The following PBX1 variants were observed in gnomAD, a reference collection of about 807,000 sequenced individuals.
PBX1 encodes the protein PBX homeobox 1.
In PBX1, 6 loss-of-function variants were observed where a neutral mutation model predicts 53.4. The ratio of observed to expected loss-of-function variants is 0.11; its 90% CI spans 0.06 to 0.22. The LOEUF (loss-of-function observed/expected upper bound fraction) is 0.22. PBX1 is among the 10% of genes least tolerant of loss of function. The probability of loss-of-function intolerance (pLI) is 1.00; values close to 1 mark genes in which losing one functional copy is unlikely to be tolerated. For missense variants in PBX1, 251 were observed against 551.4 expected (o/e 0.46, Z 5.46); for synonymous variants, 204 against 212.3 (o/e 0.96, Z 0.34).
At chr1:164,853,811 C>T (rs1274687697), downstream of PBX1, among the ~76,000 whole-genome samples, 1 of 152,118 alleles carries the variant, frequency 6.6e-6, no homozygotes, top group Non-Finnish European at 1.5e-5. Context: ...AAGTGTAGGT[C>T]TAACCCCTTA....
intron 2 of PBX1, among the ~76,000 whole-genome samples, chr1:164,760,392 G>GCTCCCTCCTTTC (rs1666748167): frequency 9.6e-6 from 1 of 103,914 alleles, no homozygotes; most frequent in South Asian, 3.2e-4. Flanking sequence ...ACCCTTCTTT[G>GCTCCCTCCTTTC]CTCCCTCCTT....
At chr1:164,575,686 T>C (rs1446708059) in intron 2 of PBX1, among the ~76,000 whole-genome samples, 1 of 152,206 alleles carries the variant, frequency 6.6e-6, no homozygotes. Flanking sequence ...TCTATGGATA[T>C]GAGGGTGTAG....
chr1:164,612,417 G>A (rs987943512), intron 2 of PBX1, among the ~76,000 whole-genome samples: 19 of 152,134 alleles, frequency 1.2e-4, no homozygotes, highest in African/African-American at 4.6e-4. Flanking sequence ...ATGTGACCAA[G>A]TTTGTCTTCT....
chr1:164,752,201 AG>A (rs1178363912), intron 2 of PBX1, among the ~76,000 whole-genome samples: 4 of 113,044 alleles, frequency 3.5e-5, no homozygotes, highest in Non-Finnish European at 5.3e-5. Context: ...GACCCCTTTA[AG>A]GTTTTGTGTG....
At chr1:164,862,783 G>C (rs375147214) in intron 2 of PBX1, among the ~76,000 whole-genome samples, 4 of 152,328 alleles carry the variant, frequency 2.6e-5, no homozygotes, top group African/African-American at 4.8e-5. Context: ...ACAGTGTTGA[G>C]AGCTAAGGAT....
rs146359308 is a variant in PBX1, at chr1:164,645,829, T to G, written c.265+82518T>G. 2.3e-3 allele frequency among the ~76,000 whole-genome samples: 357 copies of G among 152,286 alleles called. 2 individuals carry two copies. The highest frequency in any genetic ancestry group is 8.4e-3 in the African/African-American group (350 of 41,558). Reference sequence around the variant, plus strand: ...TCCTGAATTAAAGTTTTTCAGTGATTTTTTAACTTTCTTCAGTCCAGGTTA... The same window carrying G: ...TCCTGAATTAAAGTTTTTCAGTGATGTTTTAACTTTCTTCAGTCCAGGTTA... On this transcript the variant is annotated intron_variant, in intron 2 of 8. Coordinates refer to ENST00000420696, the MANE Select transcript of PBX1 (RefSeq NM_002585.4).
At chr1:164,609,195 A>G (rs1488270640) in intron 2 of PBX1, among the ~76,000 whole-genome samples, 1 of 151,702 alleles carries the variant, frequency 6.6e-6, no homozygotes, top group Non-Finnish European at 1.5e-5. Flanking sequence ...CCCACACTAC[A>G]CTGATGTACA....
chr1:164,838,884 A>G (rs192731211), intron 8 of PBX1, among the ~76,000 whole-genome samples: 1 of 152,328 alleles, frequency 6.6e-6, no homozygotes, highest in Admixed American at 6.5e-5. Flanking sequence ...TTAATTGAGC[A>G]GCTGCTGTGT....
At chr1:164,759,680 G>A (rs1410008888) in intron 2 of PBX1, among the ~76,000 whole-genome samples, 1 of 152,166 alleles carries the variant, frequency 6.6e-6, no homozygotes, top group Non-Finnish European at 1.5e-5. Flanking sequence ...AAGTGGTGAA[G>A]CCAAGCTGCA....
At chr1:164,875,569 A>C (rs1672483550) in intron 2 of PBX1, among the ~76,000 whole-genome samples, 1 of 152,042 alleles carries the variant, frequency 6.6e-6, no homozygotes, top group African/African-American at 2.4e-5. Context: ...AAAGTACTGG[A>C]ATTACTGGGG....
chr1:164,587,546 T>C (rs1281258949), intron 2 of PBX1, among the ~76,000 whole-genome samples: 1 of 152,196 alleles, frequency 6.6e-6, no homozygotes, highest in African/African-American at 2.4e-5. Context: ...TGTCTGATTT[T>C]TTTTTTTAAG....
intron 2 of PBX1, among the ~76,000 whole-genome samples, chr1:164,762,388 CCTA>C (rs1666856792): frequency 6.6e-6 from 1 of 152,210 alleles, no homozygotes; most frequent in African/African-American, 2.4e-5. Flanking sequence ...ACTTGTTTTT[CCTA>C]CTATGTTAAA....
chr1:164,678,932 G>A (rs1008596507), intron 2 of PBX1, among the ~76,000 whole-genome samples: 5 of 151,924 alleles, frequency 3.3e-5, no homozygotes, highest in African/African-American at 4.8e-5. Flanking sequence ...TTTTAATTTA[G>A]ATTTATCTGA....
intron 2 of PBX1, among the ~76,000 whole-genome samples, chr1:164,782,042 C>T (rs1667958580): frequency 6.6e-6 from 1 of 152,090 alleles, no homozygotes; most frequent in African/African-American, 2.4e-5. Context: ...TCTGAAAAAC[C>T]CCAAAATAAC....
chr1:164,684,683 C>T (rs1398843195), intron 2 of PBX1: 1 of 152,156 alleles, frequency 6.6e-6, no homozygotes, highest in African/African-American at 2.4e-5. Flanking sequence ...AGAATTATCA[C>T]CCTCTGCTTT....
At chr1:164,648,019 A>G (rs1420819466) in intron 2 of PBX1, among the ~76,000 whole-genome samples, 1 of 151,974 alleles carries the variant, frequency 6.6e-6, no homozygotes, top group Non-Finnish European at 1.5e-5. Context: ...GTTTCACCGT[A>G]TTAGCCAGGA....
intron 2 of PBX1, among the ~76,000 whole-genome samples, chr1:164,782,544 A>C (rs1054645044): frequency 4.6e-5 from 7 of 152,222 alleles, no homozygotes; most frequent in African/African-American, 1.7e-4. Context: ...TCAATAGCTC[A>C]TTGTATTAGG....
chr1:164,741,641 T>C (rs1300717013), intron 2 of PBX1, among the ~76,000 whole-genome samples: 1 of 152,146 alleles, frequency 6.6e-6, no homozygotes, highest in Non-Finnish European at 1.5e-5. Flanking sequence ...AACAGTGCTT[T>C]AATAAGTCCC....
intron 2 of PBX1, among the ~76,000 whole-genome samples, chr1:164,623,864 C>G (rs1051416018): frequency 1.3e-5 from 2 of 152,136 alleles, no homozygotes; most frequent in African/African-American, 4.8e-5. Context: ...GAATATATAA[C>G]TATATGCAAT....
Sources: gnomAD v4.1 joint callset for allele counts (sites outside exome capture counted in the v4.1 genomes callset) on GRCh38, gnomAD v4.1.1 for gene constraint, MANE v1.5 for transcripts, NCBI Gene and HGNC (gene_info 2026-07-23, HGNC 2026-07-21) for gene names.